MAGI2: variants seen among roughly 807,000 people sequenced by gnomAD.
The protein encoded by MAGI2 is membrane associated guanylate kinase, WW and PDZ domain containing 2.
MAGI2 carries 35 observed loss-of-function variants against 133.3 expected under a neutral mutation model. The observed-to-expected ratio is 0.26, with a 90% CI of 0.20 to 0.35. The LOEUF (loss-of-function observed/expected upper bound fraction) is 0.35. MAGI2 is among the 10% of genes least tolerant of loss of function. The probability of loss-of-function intolerance (pLI) is 1.00; values close to 1 mark genes in which losing one functional copy is unlikely to be tolerated. For missense variants in MAGI2, 1,636 were observed against 1,863.4 expected (o/e 0.88, Z 2.25); for synonymous variants, 729 against 710.6 (o/e 1.03, Z -0.41).
chr7:78,607,430 C>T (rs1315230874), intron 3 of MAGI2, among the ~76,000 whole-genome samples: 2 of 149,428 alleles, frequency 1.3e-5, no homozygotes, highest in East Asian at 2.0e-4. Flanking sequence ...AAGTCAGAGA[C>T]GCTTAACAAA....
intron 2 of MAGI2, among the ~76,000 whole-genome samples, chr7:78,948,570 A>G (rs963920184): frequency 2.0e-5 from 3 of 152,120 alleles, no homozygotes; most frequent in South Asian, 2.1e-4. Flanking sequence ...TATTGACAGA[A>G]TGTTAAGTGA....
intron 1 of MAGI2, among the ~76,000 whole-genome samples, chr7:79,146,432 C>T (rs1256257461): frequency 6.6e-6 from 1 of 152,148 alleles, no homozygotes; most frequent in Non-Finnish European, 1.5e-5. Context: ...CCTTTGCCTC[C>T]TGTAGGGTCC....
intron 6 of MAGI2, among the ~76,000 whole-genome samples, chr7:78,465,684 C>G (rs987557471): frequency 2.0e-5 from 3 of 152,140 alleles, no homozygotes; most frequent in Admixed American, 6.5e-5. Flanking sequence ...GAAAGAGGCT[C>G]TAAATGGGAG....
In MAGI2 at chr7:78,511,551, A is replaced by T. The variant is rs866215778; in HGVS notation, c.755-9764T>A. Among the ~76,000 whole-genome samples, 351 of 127,870 alleles carry T rather than the reference A, an allele frequency of 2.7e-3. 5 individuals carry two copies. Among genetic ancestry groups the T allele is most frequent in the African/African-American group, 8.9e-3 (290 of 32,410 alleles). The allele number at this position is 127,870 out of a possible 152,430, so 83.9% of individuals were successfully genotyped here. On this transcript the variant is annotated intron_variant, in intron 4 of 21. Transcript: ENST00000354212. ...CCATCTTTTATATATATATATATAA[A>T]TTTTTTTTTTTTTTTTTTTGACACA... is the stretch of plus-strand genomic sequence containing the variant.
intron 2 of MAGI2, among the ~76,000 whole-genome samples, chr7:78,652,309 T>G (rs1811664352): frequency 6.6e-6 from 1 of 152,104 alleles, no homozygotes; most frequent in African/African-American, 2.4e-5. Flanking sequence ...GACTTCCAAA[T>G]AGTAAAGGGT....
chr7:79,304,181 ATG>A (rs373644525), intron 1 of MAGI2, among the ~76,000 whole-genome samples: 1 of 142,168 alleles, frequency 7.0e-6, no homozygotes, highest in Non-Finnish European at 1.5e-5. Context: ...TTCAACTGGG[ATG>A]TGTGTGTGTG....
At chr7:78,587,459 A>T (rs6968443) in intron 3 of MAGI2, among the ~76,000 whole-genome samples, 41,985 of 152,140 alleles carry the variant, frequency 0.28, 6,585 homozygotes, top group Middle Eastern at 0.4. Context: ...ATTAAAAAAA[A>T]GTGGTTCATT....
At chr7:78,466,394 G>C (rs969133855) in intron 6 of MAGI2, among the ~76,000 whole-genome samples, 1 of 152,204 alleles carries the variant, frequency 6.6e-6, no homozygotes, top group African/African-American at 2.4e-5. Context: ...GAATGCAGGA[G>C]GTATTTTAAA....
chr7:78,881,992 C>G (rs1795878341), intron 2 of MAGI2, among the ~76,000 whole-genome samples: 1 of 139,000 alleles, frequency 7.2e-6, no homozygotes, highest in African/African-American at 2.6e-5. Flanking sequence ...ACCCAAAAAC[C>G]CATACCAAAT....
rs558398165 is a variant in MAGI2, at chr7:79,326,683, T to C, written c.301+126337A>G. ...ACATTTTTTTTTTTTTCAGATACTA[T>C]GTATCCTGTTTTCCTTTAGTTACTG... On this transcript the variant is annotated intron_variant, in intron 1 of 21. Transcript: ENST00000354212. Among the ~76,000 whole-genome samples the C allele has an allele frequency of 1.9e-3, 288 of 151,434 alleles. 2 individuals are homozygous for C. The highest frequency in any genetic ancestry group is 1.6e-3 in the Admixed American group (25 of 15,184).
chr7:79,193,011 T>C lies in MAGI2; in HGVS notation c.302-185805A>G, dbSNP rs150655028. Among the ~76,000 whole-genome samples the C allele has an allele frequency of 5.3e-5, 8 of 151,988 alleles. No homozygotes were observed. In the East Asian group the frequency reaches 1.6e-3, roughly 30 times the overall value. ...GAGAGCCATCACTAGAATTGAAATATGTTTGGGATGTAAAATCTCAAACTC... is the reference window on the plus strand; with the variant it reads ...GAGAGCCATCACTAGAATTGAAATACGTTTGGGATGTAAAATCTCAAACTC... On this transcript the variant is annotated intron_variant, in intron 1 of 21. Transcript: ENST00000354212.
chr7:79,097,070 A>G (rs1463652052), intron 1 of MAGI2, among the ~76,000 whole-genome samples: 1 of 152,230 alleles, frequency 6.6e-6, no homozygotes, highest in Non-Finnish European at 1.5e-5. Flanking sequence ...TTATTAGTAT[A>G]TTTAAAATTA....
At chr7:78,354,370 T>C (rs148315659) in intron 7 of MAGI2, among the ~76,000 whole-genome samples, 1 of 152,178 alleles carries the variant, frequency 6.6e-6, no homozygotes, top group Admixed American at 6.5e-5. Context: ...CAGCCATGGA[T>C]ACAGGAATCC....
chr7:79,333,256 T>G (rs1215257179), intron 1 of MAGI2, among the ~76,000 whole-genome samples: 3 of 152,066 alleles, frequency 2.0e-5, no homozygotes, highest in Admixed American at 6.6e-5. Flanking sequence ...GCCTCATGAG[T>G]AGCCGGGATT....
intron 2 of MAGI2, among the ~76,000 whole-genome samples, chr7:78,701,502 G>T (rs1438355355): frequency 1.3e-5 from 2 of 151,910 alleles, no homozygotes; most frequent in Non-Finnish European, 1.5e-5. Flanking sequence ...GAAGCCAAGG[G>T]ATACATAATT....
At chr7:78,754,415 AAAGT>A (rs1214758284) in intron 2 of MAGI2, among the ~76,000 whole-genome samples, 3 of 151,574 alleles carry the variant, frequency 2.0e-5, no homozygotes, top group Admixed American at 2.0e-4. Context: ...ATAAATGCTG[AAAGT>A]TAGTAACAAA....
At chr7:79,031,877 C>A (rs1810612165) in intron 1 of MAGI2, among the ~76,000 whole-genome samples, 1 of 152,002 alleles carries the variant, frequency 6.6e-6, no homozygotes, top group Admixed American at 6.6e-5. Context: ...TCCAAATAAT[C>A]ATCTTATACA....
At chr7:78,275,451 G>T (rs1349632433) in intron 9 of MAGI2, among the ~76,000 whole-genome samples, 1 of 152,032 alleles carries the variant, frequency 6.6e-6, no homozygotes, top group South Asian at 2.1e-4. Context: ...TTATTCACAA[G>T]TTGTGGCCCA....
chr7:79,151,235 C>G (rs914131584), intron 1 of MAGI2, among the ~76,000 whole-genome samples: 12 of 152,014 alleles, frequency 7.9e-5, no homozygotes, highest in Admixed American at 7.2e-4. Context: ...TTTCATGTAA[C>G]TTCTATCTTG....
Sources: allele counts gnomAD v4.1 joint callset (sites outside exome capture counted in the v4.1 genomes callset), GRCh38; gene constraint gnomAD v4.1.1; transcripts MANE v1.5; gene names NCBI Gene and HGNC (gene_info 2026-07-23, HGNC 2026-07-21).